The following MIB1 variants were observed in gnomAD, a reference collection of about 807,000 sequenced individuals.
MIB1 encodes E3 ubiquitin-protein ligase MIB1.
In MIB1, 278 loss-of-function variants were observed where a neutral mutation model predicts 124.5. The ratio of observed to expected loss-of-function variants is 2.23; its 90% CI spans 2.02 to 2.47. The LOEUF (loss-of-function observed/expected upper bound fraction) is 2.47. Among genes scored for constraint, MIB1 ranks in the 30% most tolerant of loss-of-function variants. MIB1 has a pLI of 0.00. For synonymous variants in MIB1, 446 were observed against 429.4 expected (o/e 1.04, Z -0.48); for missense variants, 957 against 1,254.4 (o/e 0.76, Z 3.58).
At chr18:21,841,192 C>T (rs561710292) in intron 13 of MIB1, among the ~76,000 whole-genome samples, 24 of 152,142 alleles carry the variant, frequency 1.6e-4, no homozygotes, top group Non-Finnish European at 3.2e-4. Context: ...ATCGTGAAAC[C>T]CCTTCTCTAC....
intron 7 of MIB1, among the ~76,000 whole-genome samples, chr18:21,796,448 C>T (rs35505263): frequency 0.015 from 2,306 of 152,050 alleles, 34 homozygotes; most frequent in Non-Finnish European, 0.023. Flanking sequence ...ATAATGCATG[C>T]GGGGCCTAAA....
chr18:21,765,705 C>A, intron 1 of MIB1, 67 bp from the exon 2 acceptor site: 1 of 1,459,596 alleles, frequency 6.9e-7, no homozygotes, highest in South Asian at 1.3e-5. Context: ...ATTTTTTTCC[C>A]CCAAGGAATA....
chr18:21,752,732 A>G (rs1409805677), intron 1 of MIB1, among the ~76,000 whole-genome samples: 3 of 152,202 alleles, frequency 2.0e-5, no homozygotes, highest in Admixed American at 2.0e-4. Flanking sequence ...CTTGTAAATT[A>G]AAAAACAAAA....
chr18:21,782,130 T>C (rs1034525319), intron 6 of MIB1, among the ~76,000 whole-genome samples: 3 of 152,160 alleles, frequency 2.0e-5, no homozygotes, highest in African/African-American at 7.2e-5. Context: ...ATTATTATTA[T>C]TATTTTTTTG....
At chr18:21,796,646 T>C (rs1003284399) in intron 7 of MIB1, among the ~76,000 whole-genome samples, 19 of 152,206 alleles carry the variant, frequency 1.2e-4, no homozygotes, top group Non-Finnish European at 1.8e-4. Flanking sequence ...GTGACCATTT[T>C]AGTAATAACC....
At chr18:21,808,406 G>C (rs902945928) in intron 10 of MIB1, among the ~76,000 whole-genome samples, 3 of 152,084 alleles carry the variant, frequency 2.0e-5, no homozygotes, top group African/African-American at 4.8e-5. Context: ...AAGTAGCTGT[G>C]TAGTTTCGAT....
chr18:21,765,144 T>C (rs1416000364), intron 1 of MIB1, among the ~76,000 whole-genome samples: 1 of 152,214 alleles, frequency 6.6e-6, no homozygotes, highest in African/African-American at 2.4e-5. Flanking sequence ...TTAATTTTAG[T>C]GGAGGTCATT....
chr18:21,761,765 A>T (rs1473703501), intron 1 of MIB1, among the ~76,000 whole-genome samples: 2 of 152,216 alleles, frequency 1.3e-5, no homozygotes, highest in Non-Finnish European at 2.9e-5. Flanking sequence ...AGGATTCACA[A>T]CCTGCCTGCA....
chr18:21,811,793 A>G (rs1328235876), intron 10 of MIB1, among the ~76,000 whole-genome samples: 1 of 152,080 alleles, frequency 6.6e-6, no homozygotes, highest in Non-Finnish European at 1.5e-5. Context: ...AGTTCTAGAG[A>G]TGGATGGTGG....
At chr18:21,733,860 C>T (rs1043012233) in intron 1 of MIB1, among the ~76,000 whole-genome samples, 18 of 151,970 alleles carry the variant, frequency 1.2e-4, no homozygotes, top group African/African-American at 3.6e-4. Flanking sequence ...CATGTGCCAT[C>T]GTGTCCAGCT....
Position 21,752,540 on chromosome 18 carries a change from A to G in MIB1, c.229+10728A>G, listed in dbSNP as rs1046812703. Among the ~76,000 whole-genome samples, 5 of 152,242 alleles carry G rather than the reference A, an allele frequency of 3.3e-5. No homozygotes were observed. The East Asian group carries it at 5.8e-4, about 18-fold the overall frequency. ...GCTAATAACTAAAGCTATTCATACA[A>G]CGAACTCATGTAACCTGGGAAATAC... On this transcript the variant is annotated intron_variant, in intron 1 of 20. Transcript: ENST00000261537.
chr18:21,708,687 C>T (rs1320210732), intron 1 of MIB1, among the ~76,000 whole-genome samples: 1 of 151,980 alleles, frequency 6.6e-6, no homozygotes, highest in East Asian at 1.9e-4. Context: ...ACTGTTATTC[C>T]CAATTTATAC....
chr18:21,783,325 C>T (rs2041393163), intron 6 of MIB1, among the ~76,000 whole-genome samples: 1 of 151,892 alleles, frequency 6.6e-6, no homozygotes, highest in African/African-American at 2.4e-5. Flanking sequence ...TCACTGCAAC[C>T]TCCGCCTCCC....
In MIB1 at chr18:21,838,499, T is replaced by C. The variant is rs1366580144; in HGVS notation, c.1962+2T>C. 6.3e-7 allele frequency: 1 copy of C among 1,584,384 alleles called. No individual in the cohort carries two copies. Among genetic ancestry groups the C allele is most frequent in the African/African-American group, 1.4e-5 (1 of 73,432 alleles). The stretch of plus-strand genomic sequence containing the variant: ...GTGGCTGAACTGTTGGTACATCAGG[T>C]AAGAAAAGAGTTAAATAATTCCCTC... On this transcript the variant is annotated splice_donor_variant, in intron 13 of 20. Transcript: ENST00000261537. LOFTEE classifies it high-confidence loss of function.
chr18:21,768,759 T>C lies in MIB1; in HGVS notation c.531+7T>C. ...AAATGGACGTAGGGGAAAGGTACAG[T>C]GTTTCTCTGAATTCATTATGTATTC... On this transcript the variant is annotated splice_region_variant and intron_variant, in intron 3 of 20. Transcript: ENST00000261537. 1 of 1,605,916 alleles carries C rather than the reference T, an allele frequency of 6.2e-7. No individual in the cohort carries two copies. The highest frequency in any genetic ancestry group is 1.1e-5 in the South Asian group (1 of 89,754).
Position 21,865,714 on chromosome 18 carries a change from C to A in MIB1, c.*1048C>A, listed in dbSNP as rs1353313784. 6.6e-6 allele frequency: 1 copy of A among 152,532 alleles called. No individual in the cohort carries two copies. Among genetic ancestry groups the A allele is most frequent in the African/African-American group, 2.4e-5 (1 of 41,418 alleles). 9.4% of individuals were successfully genotyped at this position (152,532 alleles called of 1,614,324 possible). ...TTAGTGATTCTGTCTTCATTATAGG[C>A]CTTATTTCCATTATCTCTTTCTTTA... On this transcript the variant is annotated 3_prime_UTR_variant, in exon 21 of 21. Coordinates refer to ENST00000261537, the MANE Select transcript of MIB1 (RefSeq NM_020774.4).
chr18:21,748,917 T>C (rs997796812), intron 1 of MIB1, among the ~76,000 whole-genome samples: 2 of 151,802 alleles, frequency 1.3e-5, no homozygotes, highest in Non-Finnish European at 2.9e-5. Flanking sequence ...TTATTTTTTA[T>C]TTTTCTTAGA....
chr18:21,735,507 G>A (rs562222349), intron 1 of MIB1, among the ~76,000 whole-genome samples: 1 of 151,870 alleles, frequency 6.6e-6, no homozygotes, highest in East Asian at 1.9e-4. Flanking sequence ...GTGGCATCTG[G>A]AACACCAGCA....
intron 2 of MIB1, 86 bp from the exon 3 acceptor site, chr18:21,768,537 A>T: frequency 1.0e-6 from 1 of 1,000,226 alleles, no homozygotes; most frequent in South Asian, 1.6e-5. Context: ...TACTTTCAAA[A>T]TAACATTTTT....
Sources: gnomAD v4.1 joint callset for allele counts (sites outside exome capture counted in the v4.1 genomes callset) on GRCh38, gnomAD v4.1.1 for gene constraint, MANE v1.5 for transcripts, NCBI Gene and HGNC (gene_info 2026-07-23, HGNC 2026-07-21) for gene names.